SCFD1: variants seen among roughly 807,000 people sequenced by gnomAD.
SCFD1 encodes sec1 family domain-containing protein 1.
A neutral mutation model predicts 103.2 loss-of-function variants in SCFD1; 37 were observed. The ratio of observed to expected loss-of-function variants is 0.36; its 90% CI spans 0.28 to 0.47. The LOEUF is 0.47. SCFD1 is among the 20% of genes least tolerant of loss of function. The pLI is 1.00. For synonymous variants in SCFD1, 264 were observed against 245.0 expected, an observed-to-expected ratio of 1.08 and a Z score of -0.73; for missense variants, 639 against 761.2, an observed-to-expected ratio of 0.84 and a Z score of 1.89.
chr14:30,701,362 C>CT (rs1273188983), intron 16 of SCFD1, among the ~76,000 whole-genome samples: 1 of 152,134 alleles, frequency 6.6e-6, no homozygotes, highest in Non-Finnish European at 1.5e-5. Flanking sequence ...TGAGACCAGC[C>CT]TGGCCAACAT....
Position 30,670,300 on chromosome 14 carries a change from G to A in SCFD1, c.900G>A (p.Val300=), listed in dbSNP as rs138646401. ...NRVNLEESSG[V]ENSPAGARPK... ...TTAATTTGGAAGAATCTTCAGGAGT[G>A]GAAAACTCTCCAGCTGGTGCTAGAC... The change falls in exon 11 of 25, where the codon GTG becomes GTA. Residue 300 remains valine, a synonymous_variant. Transcript: ENST00000458591. 2,111 of 1,596,802 alleles carry A rather than the reference G, an allele frequency of 1.3e-3. 42 individuals carry two copies. In the South Asian group the frequency reaches 0.019, roughly 15 times the overall value.
intron 14 of SCFD1, among the ~76,000 whole-genome samples, chr14:30,684,802 TC>T (rs1315419991): frequency 8.5e-6 from 1 of 118,160 alleles, no homozygotes; most frequent in African/African-American, 4.2e-5. Context: ...TGCAATTGTT[TC>T]TTTTTTTTTT....
At position 30,650,639 on chromosome 14, in the gene SCFD1, T is replaced by C. The variant is rs1250298069; in HGVS notation, c.744T>C (p.Ala248=). The change falls in exon 9 of 25, where the codon GCT becomes GCC. Residue 248 remains alanine, a synonymous_variant. Coordinates refer to ENST00000458591, the MANE Select transcript of SCFD1 (RefSeq NM_016106.4). The stretch of plus-strand genomic sequence containing the variant: ...TTTTTACAGGTGATACACTTGGAGC[T>C]GGCCAATTCAGGTATTACTGTTATT... ...NSLFTGDTLG[A]GQFSFQRPLL... The C allele has an allele frequency of 1.3e-6, 2 of 1,592,092 alleles. No homozygotes were observed. The highest frequency in any genetic ancestry group is 1.7e-6 in the Non-Finnish European group (2 of 1,161,214).
chr14:30,671,656 A>G (rs1161062011), intron 11 of SCFD1, among the ~76,000 whole-genome samples: 1 of 152,184 alleles, frequency 6.6e-6, no homozygotes, highest in African/African-American at 2.4e-5. Flanking sequence ...CAATAGTAAC[A>G]TGGGCACAAA....
intron 15 of SCFD1, among the ~76,000 whole-genome samples, chr14:30,697,782 G>A (rs1416492104): frequency 6.6e-6 from 1 of 152,166 alleles, no homozygotes; most frequent in East Asian, 1.9e-4. Context: ...CCAGCCTATA[G>A]TCTTAAAAAG....
At position 30,674,336 on chromosome 14, in the gene SCFD1, T is replaced by G. The variant is rs371655138; in HGVS notation, c.1160+339T>G. Among the ~76,000 whole-genome samples the G allele has an allele frequency of 7.9e-4, 120 of 152,270 alleles. 1 individual carries two copies. The East Asian group carries it at 0.016, about 21-fold the overall frequency. On this transcript the variant is annotated intron_variant, in intron 13 of 24. Coordinates refer to ENST00000458591, the MANE Select transcript of SCFD1 (RefSeq NM_016106.4). Reference sequence around the variant, plus strand: ...AAAAGTTAAACAGTTTTTTCTGTACTTTGAATGCCATTAAGGAGGGAGGAG... The same window carrying G: ...AAAAGTTAAACAGTTTTTTCTGTACGTTGAATGCCATTAAGGAGGGAGGAG...
intron 19 of SCFD1, among the ~76,000 whole-genome samples, chr14:30,709,817 C>G (rs928094154): frequency 5.9e-5 from 9 of 152,292 alleles, no homozygotes; most frequent in African/African-American, 1.7e-4. Flanking sequence ...CCACCAACTT[C>G]TACGGTAATG....
intron 17 of SCFD1, among the ~76,000 whole-genome samples, chr14:30,703,580 T>A (rs1199191695): frequency 1.3e-5 from 2 of 151,316 alleles, no homozygotes; most frequent in Admixed American, 1.3e-4. Flanking sequence ...AATTAATTTT[T>A]TAAGACTAAA....
chr14:30,726,499 C>T (rs903828634), intron 23 of SCFD1, among the ~76,000 whole-genome samples: 1 of 152,162 alleles, frequency 6.6e-6, no homozygotes, highest in African/African-American at 2.4e-5. Flanking sequence ...AGATTGCTTA[C>T]TAAATGTTTT....
At chr14:30,640,253 A>T (rs1594581897) in intron 6 of SCFD1, among the ~76,000 whole-genome samples, 1 of 152,302 alleles carries the variant, frequency 6.6e-6, no homozygotes, top group South Asian at 2.1e-4. Flanking sequence ...GAACCAGATG[A>T]TAAGCTCCCT....
At chr14:30,734,943 TACTC>T in intron 24 of SCFD1, 85 bp downstream of exon 24, 1 of 1,125,184 alleles carries the variant, frequency 8.9e-7, no homozygotes, top group Non-Finnish European at 1.3e-6. Context: ...GAAAACCACT[TACTC>T]ACCTGAACCA....
At chr14:30,693,898 A>G (rs893910633) in intron 14 of SCFD1, among the ~76,000 whole-genome samples, 1 of 152,152 alleles carries the variant, frequency 6.6e-6, no homozygotes, top group Non-Finnish European at 1.5e-5. Flanking sequence ...TTATTTGATA[A>G]TTTTTATTTG....
intron 23 of SCFD1, among the ~76,000 whole-genome samples, chr14:30,729,026 T>G (rs1342319140): frequency 2.0e-5 from 3 of 152,038 alleles, no homozygotes; most frequent in Admixed American, 2.0e-4. Flanking sequence ...TCCCAGAGTG[T>G]TGGGATTACA....
chr14:30,624,491 T>C (rs944576162), intron 1 of SCFD1, among the ~76,000 whole-genome samples: 1 of 152,230 alleles, frequency 6.6e-6, no homozygotes. Context: ...TCTTGACTTG[T>C]CTCTTTCATG....
At chr14:30,657,953 A>G (rs527660445) in intron 10 of SCFD1, 2 of 348,684 alleles carry the variant, frequency 5.7e-6, no homozygotes, top group East Asian at 1.5e-4. Flanking sequence ...TTTAAACGGG[A>G]AATACACACT....
intron 20 of SCFD1, 146 bp from the exon 21 acceptor site, chr14:30,719,179 A>G (rs1307526521): frequency 3.1e-6 from 2 of 635,980 alleles, no homozygotes; most frequent in African/African-American, 3.7e-5. Flanking sequence ...AAAGGTTAGC[A>G]CATAGTAAGT....
At chr14:30,677,975 G>A (rs7158629) in intron 14 of SCFD1, among the ~76,000 whole-genome samples, 1 of 151,524 alleles carries the variant, frequency 6.6e-6, no homozygotes, top group Non-Finnish European at 1.5e-5. Context: ...GAGTAGCTGA[G>A]ACTACAGGCA....
chr14:30,733,941 TTTAA>T (rs1265917771), intron 23 of SCFD1, among the ~76,000 whole-genome samples: 4 of 152,210 alleles, frequency 2.6e-5, no homozygotes, highest in African/African-American at 9.6e-5. Flanking sequence ...GACCTCTACC[TTTAA>T]TTAATGCCTG....
intron 4 of SCFD1, among the ~76,000 whole-genome samples, chr14:30,636,204 T>C (rs1348920249): frequency 3.9e-5 from 6 of 152,074 alleles, no homozygotes; most frequent in African/African-American, 1.4e-4. Flanking sequence ...TATCTTTTCA[T>C]TCTCTGGATA....
Sources: allele counts gnomAD v4.1 joint callset (sites outside exome capture counted in the v4.1 genomes callset), GRCh38; gene constraint gnomAD v4.1.1; transcripts MANE v1.5; gene names NCBI Gene and HGNC (gene_info 2026-07-23, HGNC 2026-07-21).